The following TREH variants were observed in gnomAD, a reference collection of about 807,000 sequenced individuals.
The protein encoded by TREH is trehalase.
Under a neutral mutation model 80.5 loss-of-function variants are expected in TREH, and 69 were observed. The ratio of observed to expected loss-of-function variants is 0.86; its 90% CI spans 0.71 to 1.05. The LOEUF (loss-of-function observed/expected upper bound fraction) is 1.05, where lower values mean the gene tolerates loss of function less well. TREH is among the 50% of genes least tolerant of loss of function. The probability of loss-of-function intolerance (pLI) is 0.00; values close to 1 mark genes in which losing one functional copy is unlikely to be tolerated. For missense variants in TREH, 716 were observed against 718.8 expected (o/e 1.00, Z 0.04); for synonymous variants, 309 against 293.5 (o/e 1.05, Z -0.54).
intron 1 of TREH, among the ~76,000 whole-genome samples, chr11:118,676,573 G>GCC (rs58398579): frequency 6.6e-6 from 1 of 152,010 alleles, no homozygotes; most frequent in East Asian, 1.9e-4. Context: ...TTTAAGACCA[G>GCC]CTGGCCAACA....
At position 118,659,846 on chromosome 11, in the gene TREH, C is replaced by A. The variant is rs1219539786; in HGVS notation, c.1221G>T (p.Lys407Asn). 2.6e-6 allele frequency: 4 copies of A among 1,559,168 alleles called. No individual in the cohort carries two copies. The Admixed American group carries it at 5.8e-5, about 23-fold the overall frequency. The change falls in exon 11 of 15, where the codon AAG becomes AAT. Residue 407 changes from lysine to asparagine, a missense_variant. Transcript: ENST00000264029. ...GAWFDYDLEK[K>N]KKNREFYPSN... Reference sequence around the variant, plus strand: ...ATGGGTAAAACTCCCGGTTTTTCTTCTTCTTCTCAAGGTCGTAATCGAACC... The same window carrying A: ...ATGGGTAAAACTCCCGGTTTTTCTTATTCTTCTCAAGGTCGTAATCGAACC...
intron 1 of TREH, among the ~76,000 whole-genome samples, chr11:118,672,396 T>A (rs1260357619): frequency 6.9e-6 from 1 of 145,230 alleles, no homozygotes; most frequent in African/African-American, 2.6e-5. Context: ...AGACACTGTC[T>A]CAGAAAAAAA....
rs781813960 is a variant in TREH at position 118,661,452 on chromosome 11, TGGG to T, written c.672_674del (p.Pro225del). 7.4e-6 allele frequency: 12 copies of T among 1,613,352 alleles called. No homozygotes were observed. In the Admixed American group the frequency reaches 2.0e-4, roughly 27 times the overall value. Reference sequence around the variant, plus strand: ...AGCAATCCATCATGAGGGTCAAGAGTGGGGGCTGGCTCCGCTGCAGGTAGTACA... The same window carrying T: ...AGCAATCCATCATGAGGGTCAAGAGTGGCTGGCTCCGCTGCAGGTAGTACA... On this transcript the variant is annotated inframe_deletion, in exon 7 of 15. Transcript: ENST00000264029. The surrounding 1 kb of genome is among the most constrained non-coding windows in gnomAD (Gnocchi z 4.2).
chr11:118,671,031 G>T (rs192398051), intron 1 of TREH, among the ~76,000 whole-genome samples: 1 of 152,234 alleles, frequency 6.6e-6, no homozygotes, highest in African/African-American at 2.4e-5. Context: ...TATCCAGATT[G>T]TAGGTAGAAA....
chr11:118,663,877 T>C (rs1949352846), intron 1 of TREH, among the ~76,000 whole-genome samples: 1 of 152,158 alleles, frequency 6.6e-6, no homozygotes, highest in Non-Finnish European at 1.5e-5. Context: ...GTGTATGGTA[T>C]AGGCCATTTG....
intron 14 of TREH, 62 bp downstream of exon 14, chr11:118,658,618 G>A (rs1949255910): frequency 3.9e-6 from 6 of 1,548,220 alleles, no homozygotes; most frequent in Admixed American, 2.0e-5. Flanking sequence ...TGGGGCGGGG[G>A]TCATGAGCAG....
intron 1 of TREH, among the ~76,000 whole-genome samples, chr11:118,668,906 A>G (rs1949405715): frequency 6.6e-6 from 1 of 152,324 alleles, no homozygotes; most frequent in East Asian, 1.9e-4. Context: ...CCTGGGTGAC[A>G]GAGCAAGACT....
Position 118,658,689 on chromosome 11 carries a change from A to C in TREH, c.1590T>G (p.Tyr530Ter). The C allele has an allele frequency of 6.3e-7, 1 of 1,595,770 alleles. No homozygotes were observed. The highest frequency in any genetic ancestry group is 8.5e-7 in the Non-Finnish European group (1 of 1,171,022). ...CCCCTGGCCTGCTCACCTGAACTTCATATTCTCCTCCCCCACCGGGCTGTC... is the reference window on the plus strand; with the variant it reads ...CCCCTGGCCTGCTCACCTGAACTTCCTATTCTCCTCCCCCACCGGGCTGTC... Reference protein sequence around the residue: ...NGGQPGGGGEYEVQEGFGWTN... With the variant: ...NGGQPGGGGE The change falls in exon 14 of 15, where the codon TAT (tyrosine) becomes TAG (stop). Residue 530 changes from tyrosine to a stop codon, truncating the protein, a stop_gained. Coordinates refer to ENST00000264029, the MANE Select transcript of TREH (RefSeq NM_007180.3). LOFTEE classifies it low-confidence loss of function (END_TRUNC).
In TREH at chr11:118,662,931, G is replaced by T. The variant is rs137930190; in HGVS notation, c.373C>A (p.Arg125Ser). ...FLQKISDAKL[R>S]AWAGQLHQLW... is the part of the protein sequence containing the mutation. ...TGATGCAGCTGCCCTGCCCAGGCACGCAGTTTGGCATCTGAAATCTTCTGC... is the reference window on the plus strand; with the variant it reads ...TGATGCAGCTGCCCTGCCCAGGCACTCAGTTTGGCATCTGAAATCTTCTGC... Residue 125 changes from arginine to serine, a missense_variant, in exon 4 of 15, where the codon CGT (arginine) becomes AGT (serine). Transcript: ENST00000264029. 1.9e-6 allele frequency: 3 copies of T among 1,610,528 alleles called. No homozygotes were observed. The highest frequency in any genetic ancestry group is 2.5e-6 in the Non-Finnish European group (3 of 1,178,348).
chr11:118,659,793 C>T lies in TREH; in HGVS notation c.1274G>A (p.Cys425Tyr). 6.3e-7 allele frequency: 1 copy of T among 1,584,850 alleles called. No homozygotes were observed. The highest frequency in any genetic ancestry group is 8.6e-7 in the Non-Finnish European group (1 of 1,165,030). ...GTCCGCCACGCCAGGGTCAGAGAAA[C>T]ACCCGGCCCAGAGTGGAGTGAGGTT... ...PSNLTPLWAG[C>Y]FSDPGVADKA... The change falls in exon 11 of 15, where the codon TGT becomes TAT. Residue 425 changes from cysteine to tyrosine, a missense_variant. Transcript: ENST00000264029.
chr11:118,659,476 G>T lies in TREH; in HGVS notation c.1326C>A (p.Asn442Lys). ...ADKALKYLEDNRILTYQYGIP... is the reference protein window; with the variant it reads ...ADKALKYLEDKRILTYQYGIP... ...TCCCATACTGGTAAGTCAGGATCCG[G>T]TTGTCCTAGAAGGTCCCAGACATTC... Residue 442 changes from asparagine (N) to lysine (K), a missense_variant, in exon 12 of 15, where the codon AAC (asparagine) becomes AAA (lysine). Physicochemically the swap from Asn to Lys is moderately conservative, Grantham distance 94 (BLOSUM62 0). Coordinates refer to ENST00000264029, the MANE Select transcript of TREH (RefSeq NM_007180.3). The T allele has an allele frequency of 6.3e-7, 1 of 1,591,590 alleles. No individual in the cohort carries two copies. Among genetic ancestry groups the T allele is most frequent in the Non-Finnish European group, 8.6e-7 (1 of 1,167,964 alleles).
rs781984077 is a variant in TREH, at chr11:118,661,912, G to A, written c.502C>T (p.Arg168Cys). 98 of 1,556,078 alleles carry A rather than the reference G, an allele frequency of 6.3e-5. No homozygotes were observed. The highest frequency in any genetic ancestry group is 8.0e-5 in the Non-Finnish European group (92 of 1,149,654). ...SEHPFIVPGG[R>C]FVEFYYWDSY... ...CACCAGTAGTAGAACTCAACAAAGC[G>A]ACCGCCAGGCACAATGAAGGGATGT... Residue 168 changes from arginine (R) to cysteine (C), a missense_variant, in exon 5 of 15, where the codon CGC (arginine) becomes TGC (cysteine). Transcript: ENST00000264029. The surrounding 1 kb of genome is among the most constrained non-coding windows in gnomAD (Gnocchi z 4.2).
At chr11:118,664,196 T>G (rs1244089489) in intron 1 of TREH, among the ~76,000 whole-genome samples, 1 of 152,196 alleles carries the variant, frequency 6.6e-6, no homozygotes, top group African/African-American at 2.4e-5. Flanking sequence ...AGGGGCCCTA[T>G]GAACAGCTCT....
In TREH at chr11:118,674,030, G is replaced by A. The variant is rs963225996; in HGVS notation, c.89+5509C>T. Among the ~76,000 whole-genome samples, 1 of 103,336 alleles carries A rather than the reference G, an allele frequency of 9.7e-6. No individual in the cohort carries two copies. Among genetic ancestry groups the A allele is most frequent in the Non-Finnish European group, 2.2e-5 (1 of 46,460 alleles). The allele number at this position is 103,336 out of a possible 152,430, so 67.8% of individuals were successfully genotyped here. ...GAGTCTCTCTGCTTTTGAATACACT[G>A]AGTAACTGCATTCCCCCAGGAGCTT... On this transcript the variant is annotated intron_variant, in intron 1 of 14. Coordinates refer to ENST00000264029, the MANE Select transcript of TREH (RefSeq NM_007180.3). This position sits in a 1 kb window ranked among gnomAD's most constrained non-coding sequence, Gnocchi z 4.4.
At chr11:118,665,610 A>G (rs1264528578) in intron 1 of TREH, among the ~76,000 whole-genome samples, 1 of 152,218 alleles carries the variant, frequency 6.6e-6, no homozygotes, top group East Asian at 1.9e-4. Context: ...ACTGCACTCC[A>G]GCCTGGGCAA....
intron 1 of TREH, among the ~76,000 whole-genome samples, chr11:118,665,180 C>A (rs550966130): frequency 6.6e-6 from 1 of 151,918 alleles, no homozygotes; most frequent in Non-Finnish European, 1.5e-5. Context: ...TGGTTGGATT[C>A]CCCTAATTTT....
chr11:118,670,925 T>C (rs1397039201), intron 1 of TREH, among the ~76,000 whole-genome samples: 1 of 152,210 alleles, frequency 6.6e-6, no homozygotes, highest in Non-Finnish European at 1.5e-5. Flanking sequence ...AATGCATGGA[T>C]TCATTCATTT....
At position 118,659,426 on chromosome 11, in the gene TREH, C is replaced by T; in HGVS notation, c.1376G>A (p.Gly459Asp). 1 of 1,607,684 alleles carries T rather than the reference C, an allele frequency of 6.2e-7. No individual in the cohort carries two copies. The highest frequency in any genetic ancestry group is 1.7e-4 in the Middle Eastern group (1 of 6,038). Residue 459 changes from glycine to aspartate, a missense_variant, in exon 12 of 15, where the codon GGC becomes GAC. By Grantham distance (94) the Gly-to-Asp change is moderately conservative. Transcript: ENST00000264029. ...YGIPTSLQKTGQQWDFPNAWA... is the reference protein window; with the variant it reads ...YGIPTSLQKTDQQWDFPNAWA... ...GGCATTGGGGAAATCCCACTGCTGGCCTGTCTTCTGGAGAGAGGTCGGGAT... is the reference window on the plus strand; with the variant it reads ...GGCATTGGGGAAATCCCACTGCTGGTCTGTCTTCTGGAGAGAGGTCGGGAT...
Position 118,674,082 on chromosome 11 carries a change from A to G in TREH, c.89+5457T>C, listed in dbSNP as rs1949454898. Among the ~76,000 whole-genome samples the G allele has an allele frequency of 6.6e-6, 1 of 152,216 alleles. No homozygotes were observed. The highest frequency in any genetic ancestry group is 2.1e-4 in the South Asian group (1 of 4,834). On this transcript the variant is annotated intron_variant, in intron 1 of 14. Coordinates refer to ENST00000264029, the MANE Select transcript of TREH (RefSeq NM_007180.3). The surrounding 1 kb of genome is among the most constrained non-coding windows in gnomAD (Gnocchi z 4.4). ...TTCCTGATCCAGCCATTTCCATTTCATTATGGAACTCTTCTGGGCCCTGCC... is the reference window on the plus strand; with the variant it reads ...TTCCTGATCCAGCCATTTCCATTTCGTTATGGAACTCTTCTGGGCCCTGCC...
Sources: allele counts gnomAD v4.1 joint callset (sites outside exome capture counted in the v4.1 genomes callset), GRCh38; gene constraint gnomAD v4.1.1; non-coding constraint Gnocchi (gnomAD v3.1); transcripts MANE v1.5; gene names NCBI Gene and HGNC (gene_info 2026-07-23, HGNC 2026-07-21).